Variants in ASB3 observed in about 807,000 individuals in gnomAD.
ASB3 encodes ankyrin repeat and SOCS box protein 3.
In ASB3, 41 loss-of-function variants were observed where a neutral mutation model predicts 54.5. That is an observed-to-expected ratio of 0.75 (90% CI 0.59 to 0.98). The LOEUF (loss-of-function observed/expected upper bound fraction) is 0.98. ASB3 is among the 50% of genes least tolerant of loss of function. The pLI is 0.00. For synonymous variants in ASB3, 266 were observed against 221.2 expected (o/e 1.20, Z -1.80); for missense variants, 733 against 620.0 (o/e 1.18, Z -1.94).
chr2:53,771,856 T>G (rs1673935712), intron 1 of ASB3: 1 of 1,033,982 alleles, frequency 9.7e-7, no homozygotes, highest in Non-Finnish European at 1.5e-6. Flanking sequence ...GCTCAGCTAC[T>G]TAATGAACTT....
chr2:53,745,235 G>A (rs1340107130), intron 3 of ASB3, among the ~76,000 whole-genome samples: 1 of 152,174 alleles, frequency 6.6e-6, no homozygotes, highest in Non-Finnish European at 1.5e-5. Context: ...AAGGGAAAGA[G>A]AGCAGGGGAA....
At chr2:53,694,488 G>A (rs1669083253) in intron 8 of ASB3, 1 of 152,804 alleles carries the variant, frequency 6.5e-6, no homozygotes, top group Non-Finnish European at 1.5e-5. Context: ...GGGATGCACA[G>A]CTGTTCTCCT....
At chr2:53,698,489 C>T (rs1260858839) in intron 8 of ASB3, among the ~76,000 whole-genome samples, 2 of 152,164 alleles carry the variant, frequency 1.3e-5, no homozygotes, top group African/African-American at 2.4e-5. Flanking sequence ...GCCCTCACAT[C>T]TCTCTATAAG....
intron 5 of ASB3, among the ~76,000 whole-genome samples, chr2:53,717,652 C>T (rs1670473487): frequency 6.6e-6 from 1 of 152,162 alleles, no homozygotes; most frequent in Non-Finnish European, 1.5e-5. Context: ...AGTGACACCA[C>T]TGAAGGATCA....
At chr2:53,737,657 G>A (rs1295011886) in intron 3 of ASB3, among the ~76,000 whole-genome samples, 1 of 149,038 alleles carries the variant, frequency 6.7e-6, no homozygotes, top group African/African-American at 2.5e-5. Context: ...GGGTACTTGT[G>A]AGAGGAAGGG....
intron 9 of ASB3, among the ~76,000 whole-genome samples, chr2:53,671,716 G>A (rs1399947342): frequency 8.8e-6 from 1 of 113,718 alleles, no homozygotes; most frequent in Non-Finnish European, 2.0e-5. Context: ...CCGAGATCAT[G>A]CCACTGCACT....
intron 2 of ASB3, among the ~76,000 whole-genome samples, chr2:53,762,702 T>C (rs1673212419): frequency 6.6e-6 from 1 of 152,212 alleles, no homozygotes; most frequent in Non-Finnish European, 1.5e-5. Context: ...ACAAGCTTCA[T>C]AAAATCTCAA....
chr2:53,775,909 A>G (rs1447061619), intron 1 of ASB3, among the ~76,000 whole-genome samples: 1 of 152,248 alleles, frequency 6.6e-6, no homozygotes, highest in African/African-American at 2.4e-5. Context: ...CACCTAAAGA[A>G]GAGTATCAAT....
At chr2:53,713,106 G>C (rs1356995538) in intron 7 of ASB3, among the ~76,000 whole-genome samples, 1 of 152,168 alleles carries the variant, frequency 6.6e-6, no homozygotes, top group Admixed American at 6.5e-5. Context: ...TTGGAGGCTG[G>C]AGGCAGACAG....
intron 3 of ASB3, 44 bp from the exon 4 acceptor site, chr2:53,729,614 T>G: frequency 6.4e-7 from 1 of 1,561,684 alleles, no homozygotes; most frequent in South Asian, 1.1e-5. Context: ...CAAAAAGGCA[T>G]GTTTGTAGGA....
chr2:53,721,764 C>A (rs1437413501), intron 5 of ASB3, among the ~76,000 whole-genome samples: 3 of 151,908 alleles, frequency 2.0e-5, no homozygotes, highest in African/African-American at 7.3e-5. Context: ...ATTAATGATC[C>A]AATATCACAC....
chr2:53,764,057 A>C (rs1673300187), intron 2 of ASB3, among the ~76,000 whole-genome samples: 1 of 152,180 alleles, frequency 6.6e-6, no homozygotes, highest in Non-Finnish European at 1.5e-5. Flanking sequence ...CAACAAAAAA[A>C]ACACCTACCA....
intron 3 of ASB3, among the ~76,000 whole-genome samples, chr2:53,744,569 A>T (rs1034018279): frequency 6.6e-6 from 1 of 152,160 alleles, no homozygotes; most frequent in African/African-American, 2.4e-5. Context: ...TATTTTAAAG[A>T]ACATGTCCTC....
intron 3 of ASB3, among the ~76,000 whole-genome samples, chr2:53,732,218 C>G (rs1237794560): frequency 2.0e-5 from 3 of 152,138 alleles, no homozygotes; most frequent in African/African-American, 7.2e-5. Context: ...GCCTCAGCCT[C>G]CCAAAGTGCT....
At chr2:53,754,914 T>G (rs987262011) in intron 2 of ASB3, among the ~76,000 whole-genome samples, 2 of 152,212 alleles carry the variant, frequency 1.3e-5, no homozygotes, top group East Asian at 3.8e-4. Context: ...AACTGATACA[T>G]GAGTTTTAGC....
rs1667761340 is a variant in ASB3, at chr2:53,670,643, T to C, written c.1417A>G (p.Ser473Gly). Residue 473 changes from serine to glycine, a missense_variant, in exon 10 of 10, where the codon AGT (serine) becomes GGT (glycine). Physicochemically the swap from Ser to Gly is moderately conservative, Grantham distance 56 (BLOSUM62 0). Transcript: ENST00000263634. ...GACCGTAGACGTTCTGATTTTAGAC[T>C]GGACCGAATTTCCAAACGACAAAGA... Reference protein sequence around the residue: ...THLCRLEIRSSLKSERLRSDS... With the variant: ...THLCRLEIRSGLKSERLRSDS... The C allele has an allele frequency of 1.2e-6, 2 of 1,613,934 alleles. No individual in the cohort carries two copies. The highest frequency in any genetic ancestry group is 1.3e-5 in the African/African-American group (1 of 74,894).
chr2:53,690,700 C>CT (rs72150035), intron 9 of ASB3, among the ~76,000 whole-genome samples: 29 of 148,016 alleles, frequency 2.0e-4, no homozygotes, highest in South Asian at 4.3e-4. Context: ...CATCTCCTAC[C>CT]TTTTTTTTTT....
intron 1 of ASB3, chr2:53,767,831 G>T: frequency 6.4e-7 from 1 of 1,554,708 alleles, no homozygotes. Context: ...TTCAGTCCCC[G>T]GCGGCGCGGC....
chr2:53,705,868 G>T (rs993937220), intron 7 of ASB3, among the ~76,000 whole-genome samples: 8 of 151,940 alleles, frequency 5.3e-5, no homozygotes, highest in African/African-American at 1.5e-4. Flanking sequence ...AAAGCTAGTT[G>T]CCCAGAGAGG....
Sources: allele counts gnomAD v4.1 joint callset (sites outside exome capture counted in the v4.1 genomes callset), GRCh38; gene constraint gnomAD v4.1.1; transcripts MANE v1.5; gene names NCBI Gene and HGNC (gene_info 2026-07-23, HGNC 2026-07-21).